The following ANKRD30B variants were observed in gnomAD, a reference collection of about 807,000 sequenced individuals.
The protein encoded by ANKRD30B is ankyrin repeat domain-containing protein 30B.
A neutral mutation model predicts 202.2 loss-of-function variants in ANKRD30B; 144 were observed. The ratio of observed to expected loss-of-function variants is 0.71; its 90% CI spans 0.62 to 0.82. The LOEUF (loss-of-function observed/expected upper bound fraction) is 0.82, where lower values mean the gene tolerates loss of function less well. ANKRD30B is among the 40% of genes least tolerant of loss of function. ANKRD30B has a pLI of 0.00. For synonymous variants in ANKRD30B, 508 were observed against 561.3 expected, an observed-to-expected ratio of 0.91 and a Z score of 1.34; for missense variants, 1,487 against 1,669.1, an observed-to-expected ratio of 0.89 and a Z score of 1.90.
the ANKRD30B span, among the ~76,000 whole-genome samples, chr18:14,891,963 T>A: frequency 6.6e-6 from 1 of 152,244 alleles, no homozygotes; most frequent in Non-Finnish European, 1.5e-5. Context: ...AATGTATCAG[T>A]TAGGTTGGTG....
At chr18:14,821,655 G>C (rs566532930) in intron 30 of ANKRD30B, among the ~76,000 whole-genome samples, 5 of 152,142 alleles carry the variant, frequency 3.3e-5, no homozygotes, top group African/African-American at 1.2e-4. Flanking sequence ...ACAGGGTTTC[G>C]CTATTTTGGC....
At chr18:14,894,155 A>G in the ANKRD30B span, among the ~76,000 whole-genome samples, 36 of 152,324 alleles carry the variant, frequency 2.4e-4, no homozygotes, top group East Asian at 6.4e-3. Context: ...TGGTTCAATA[A>G]TTCATGAATT....
rs752311234 is a variant in ANKRD30B at position 14,831,480 on chromosome 18, A to C, written c.2847+25A>C. On this transcript the variant is annotated intron_variant, in intron 34 of 43. Transcript: ENST00000690538. ...GGTAAAATAGTCTCTTGTTAAATTG[A>C]TTTTCTCAGTTGGAATCTAATTCTG... 19 of 1,326,616 alleles carry C rather than the reference A, an allele frequency of 1.4e-5. No homozygotes were observed. In the South Asian group the frequency reaches 2.3e-4, roughly 16 times the overall value. 82.2% of individuals were successfully genotyped at this position (1,326,616 alleles called of 1,614,324 possible).
chr18:14,779,076 G>A (rs778418758), intron 10 of ANKRD30B, among the ~76,000 whole-genome samples: 1 of 152,186 alleles, frequency 6.6e-6, no homozygotes, highest in African/African-American at 2.4e-5. Context: ...AAGGAAGAGG[G>A]ATTGTGAGGC....
At chr18:14,798,307 C>T (rs1969063328) in intron 20 of ANKRD30B, among the ~76,000 whole-genome samples, 1 of 151,946 alleles carries the variant, frequency 6.6e-6, no homozygotes. Flanking sequence ...GAGATGGTCA[C>T]ATGGGGATGA....
the ANKRD30B span, among the ~76,000 whole-genome samples, chr18:14,893,471 C>A: frequency 6.6e-6 from 1 of 152,044 alleles, no homozygotes; most frequent in Non-Finnish European, 1.5e-5. Flanking sequence ...ATTAGCCAGG[C>A]ATGATGGTGG....
Position 14,810,130 on chromosome 18 carries a change from C to G in ANKRD30B, c.2438C>G (p.Ser813Cys), listed in dbSNP as rs771962823. The G allele has an allele frequency of 1.3e-6, 2 of 1,489,280 alleles. No individual in the cohort carries two copies. Among genetic ancestry groups the G allele is most frequent in the Non-Finnish European group, 1.8e-6 (2 of 1,096,118 alleles). The allele number at this position is 1,489,280 out of a possible 1,614,324, so 92.3% of individuals were successfully genotyped here. A position where few individuals can be genotyped will look rare whatever the true frequency, so the allele number is the denominator to read the frequency against. The change falls in exon 28 of 44, where the codon TCT becomes TGT. Residue 813 changes from serine (S) to cysteine (C), a missense_variant. Ser to Cys is a moderately radical substitution (Grantham distance 112). Coordinates refer to ENST00000690538, the MANE Select transcript of ANKRD30B (RefSeq NM_001367607.2). The part of the protein sequence containing the change: ...LLKPTCVRKV[S>C]LPNKALELKD... Reference sequence around the variant, plus strand: ...TAGCCTACCTGTGTAAGGAAAGTTTCTCTTCCAAATAAAGCCTTAGAATTA... The same window carrying G: ...TAGCCTACCTGTGTAAGGAAAGTTTGTCTTCCAAATAAAGCCTTAGAATTA...
At chr18:14,866,797 G>A in the ANKRD30B span, among the ~76,000 whole-genome samples, 1 of 151,934 alleles carries the variant, frequency 6.6e-6, no homozygotes, top group African/African-American at 2.4e-5. Context: ...TGCGCTATCA[G>A]GGTCTACACT....
intron 9 of ANKRD30B, among the ~76,000 whole-genome samples, chr18:14,774,419 G>C (rs1365130980): frequency 2.0e-5 from 3 of 151,996 alleles, no homozygotes; most frequent in Non-Finnish European, 4.4e-5. Context: ...CATTTCTTCA[G>C]TGTCTGCTTT....
chr18:14,928,251 A>G, the ANKRD30B span, among the ~76,000 whole-genome samples: 1 of 152,142 alleles, frequency 6.6e-6, no homozygotes, highest in Non-Finnish European at 1.5e-5. Context: ...TACAGGCGCG[A>G]GTCACCACGC....
chr18:14,793,730 T>TA (rs1968680759), intron 16 of ANKRD30B, among the ~76,000 whole-genome samples: 1 of 151,682 alleles, frequency 6.6e-6, no homozygotes, highest in Non-Finnish European at 1.5e-5. Context: ...CCATCTCTAA[T>TA]AAAAATACAA....
chr18:14,748,501 G>A lies in ANKRD30B; in HGVS notation c.82G>A (p.Glu28Lys), dbSNP rs1912840455. 1 of 1,551,718 alleles carries A rather than the reference G, an allele frequency of 6.4e-7. No individual in the cohort carries two copies. The highest frequency in any genetic ancestry group is 8.7e-7 in the Non-Finnish European group (1 of 1,147,008). The part of the protein sequence containing the change: ...PNPFSERVYT[E>K]KDYGTIYFGD... ...CCCCTTCAGCGAACGGGTCTACACT[G>A]AGAAGGACTACGGGACCATCTACTT... The change falls in exon 1 of 44, where the codon GAG (glutamate) becomes AAG (lysine). Residue 28 changes from glutamate (E) to lysine (K), a missense_variant. By Grantham distance (56) the Glu-to-Lys change is moderately conservative. Around this residue, in one of 6 missense-constraint regions of ANKRD30B, gnomAD observed 889 missense variants for 841.4 expected, o/e 1.06. Transcript: ENST00000690538.
At chr18:14,940,156 G>C in the ANKRD30B span, among the ~76,000 whole-genome samples, 714 of 152,312 alleles carry the variant, frequency 4.7e-3, 8 homozygotes, top group African/African-American at 0.016. Flanking sequence ...TGGATCTAAT[G>C]TTATGAAGCC....
intron 16 of ANKRD30B, among the ~76,000 whole-genome samples, chr18:14,793,587 T>C (rs1968669062): frequency 6.6e-6 from 1 of 152,004 alleles, no homozygotes; most frequent in Non-Finnish European, 1.5e-5. Flanking sequence ...GCGATTAGCT[T>C]GTTTTTCATT....
the ANKRD30B span, chr18:14,905,410 A>T: frequency 1.3e-5 from 2 of 152,208 alleles, no homozygotes; most frequent in African/African-American, 4.8e-5. Context: ...CAAAGTGGGG[A>T]CTTACAGGTA....
At chr18:14,844,582 C>T (rs1481788022) in intron 39 of ANKRD30B, among the ~76,000 whole-genome samples, 1 of 152,138 alleles carries the variant, frequency 6.6e-6, no homozygotes, top group African/African-American at 2.4e-5. Flanking sequence ...GATTTATAAT[C>T]CTTAGGGTAT....
intron 5 of ANKRD30B, among the ~76,000 whole-genome samples, chr18:14,760,122 T>G (rs959044025): frequency 8.5e-5 from 13 of 152,212 alleles, no homozygotes; most frequent in African/African-American, 3.1e-4. Context: ...GCTTCACTAT[T>G]TCTTTGAGCA....
chr18:14,826,691 T>TCACACACACACACA (rs767398948), intron 32 of ANKRD30B, among the ~76,000 whole-genome samples: 1,042 of 83,740 alleles, frequency 0.012, 5 homozygotes, highest in East Asian at 0.021. Context: ...TCTCTCTCTC[T>TCACACACACACACA]CTCACACACA....
intron 30 of ANKRD30B, chr18:14,817,046 C>A (rs542459283): frequency 6.6e-6 from 1 of 152,076 alleles, no homozygotes; most frequent in African/African-American, 2.4e-5. Context: ...TGCACATGTA[C>A]CCTAAAACTT....
Sources: gnomAD v4.1 joint callset for allele counts (sites outside exome capture counted in the v4.1 genomes callset) on GRCh38, gnomAD v4.1.1 for gene constraint, gnomAD v4.1.1 regional missense constraint, MANE v1.5 for transcripts, NCBI Gene and HGNC (gene_info 2026-07-23, HGNC 2026-07-21) for gene names.